Variants in ADGRL2 observed in about 807,000 individuals in gnomAD.
ADGRL2 encodes calcium-independent alpha-latrotoxin receptor 2.
ADGRL2 carries 44 observed loss-of-function variants against 157.4 expected under a neutral mutation model. The ratio of observed to expected loss-of-function variants is 0.28; its 90% CI spans 0.22 to 0.36. The LOEUF (loss-of-function observed/expected upper bound fraction) is 0.36. Ranked by LOEUF, ADGRL2 falls within the 10% of genes least tolerant of loss-of-function variation. ADGRL2 has a pLI of 1.00. For missense variants in ADGRL2, 1,510 were observed against 1,768.9 expected (o/e 0.85, Z 2.63); for synonymous variants, 585 against 624.7 (o/e 0.94, Z 0.95).
At chr1:81,469,254 C>T (rs1305131484) in intron 2 of ADGRL2, among the ~76,000 whole-genome samples, 1 of 152,170 alleles carries the variant, frequency 6.6e-6, no homozygotes, top group Non-Finnish European at 1.5e-5. Flanking sequence ...CTTTCTGCCT[C>T]TGTTTTTTCT....
chr1:81,451,222 C>T lies in ADGRL2; in HGVS notation c.-248+6133C>T, dbSNP rs571394781. Reference sequence around the variant, plus strand: ...AGTTCTGATTTTGCTCAAAGCCTTCCCAATTAATTAGATATAAAATACTAC... The same window carrying T: ...AGTTCTGATTTTGCTCAAAGCCTTCTCAATTAATTAGATATAAAATACTAC... On this transcript the variant is annotated intron_variant, in intron 2 of 24. Transcript: ENST00000370721. Among the ~76,000 whole-genome samples the T allele has an allele frequency of 8.5e-5, 13 of 152,182 alleles. No individual in the cohort carries two copies. In the South Asian group the frequency reaches 1.5e-3, roughly 17 times the overall value.
chr1:81,743,949 C>T (rs1483846800), intron 1 of ADGRL2, among the ~76,000 whole-genome samples: 2 of 151,908 alleles, frequency 1.3e-5, no homozygotes, highest in East Asian at 1.9e-4. Flanking sequence ...AAATGCATGC[C>T]AACATTGAAG....
At chr1:81,961,886 ATCTGTT>A (rs1006979932) in intron 11 of ADGRL2, among the ~76,000 whole-genome samples, 12 of 152,040 alleles carry the variant, frequency 7.9e-5, no homozygotes, top group African/African-American at 2.9e-4. Flanking sequence ...AGTTCATTTG[ATCTGTT>A]TCTAAGAATG....
At chr1:81,914,914 G>A (rs1228572914) in intron 3 of ADGRL2, among the ~76,000 whole-genome samples, 1 of 152,174 alleles carries the variant, frequency 6.6e-6, no homozygotes, top group Admixed American at 6.5e-5. Context: ...ATAGGAAGGG[G>A]AGACTGTTGG....
chr1:81,616,679 C>CTTTTCTTTT (rs1491482868), intron 3 of ADGRL2, among the ~76,000 whole-genome samples: 5 of 105,966 alleles, frequency 4.7e-5, no homozygotes, highest in East Asian at 2.8e-4. Context: ...CTTTTCTTTT[C>CTTTTCTTTT]TTTTTTTTTT....
intron 1 of ADGRL2, among the ~76,000 whole-genome samples, chr1:81,749,515 T>C (rs758153709): frequency 6.6e-6 from 1 of 152,198 alleles, no homozygotes; most frequent in African/African-American, 2.4e-5. Context: ...TTCCTGTTAC[T>C]AGATGGTAAG....
chr1:81,873,617 C>T (rs954683748), intron 2 of ADGRL2, among the ~76,000 whole-genome samples: 2 of 151,996 alleles, frequency 1.3e-5, no homozygotes, highest in African/African-American at 2.4e-5. Context: ...CCACATGAGA[C>T]AAGAACTGGT....
chr1:81,795,918 C>G (rs1390422342), upstream of ADGRL2, among the ~76,000 whole-genome samples: 1 of 152,162 alleles, frequency 6.6e-6, no homozygotes, highest in Non-Finnish European at 1.5e-5. Flanking sequence ...AAATTTAATT[C>G]ATCGTTGACA....
intron 1 of ADGRL2, among the ~76,000 whole-genome samples, chr1:81,830,393 A>G (rs1421345424): frequency 2.0e-5 from 3 of 152,240 alleles, no homozygotes; most frequent in African/African-American, 4.8e-5. Flanking sequence ...CTATATTGAC[A>G]TAGTTTGCAA....
intron 2 of ADGRL2, among the ~76,000 whole-genome samples, chr1:81,487,399 C>T (rs1233436793): frequency 6.6e-6 from 1 of 152,106 alleles, no homozygotes; most frequent in Non-Finnish European, 1.5e-5. Context: ...AATCCCAGCA[C>T]TTTGGGAGGC....
intron 1 of ADGRL2, among the ~76,000 whole-genome samples, chr1:81,754,534 T>G (rs1408319711): frequency 7.1e-6 from 1 of 140,676 alleles, no homozygotes. Context: ...TCTTTCTCTT[T>G]CTTTCTTTCC....
chr1:81,440,016 G>T (rs1285254117), intron 1 of ADGRL2, among the ~76,000 whole-genome samples: 1 of 152,194 alleles, frequency 6.6e-6, no homozygotes, highest in Non-Finnish European at 1.5e-5. Flanking sequence ...AAAGGCACAG[G>T]GTGGGGAGTG....
intron 3 of ADGRL2, among the ~76,000 whole-genome samples, chr1:81,620,322 A>G (rs2081762964): frequency 6.6e-6 from 1 of 152,240 alleles, no homozygotes; most frequent in Non-Finnish European, 1.5e-5. Context: ...TTTGCATGTG[A>G]AATTTAAAAA....
At chr1:81,538,259 C>G (rs1014324827) in intron 2 of ADGRL2, among the ~76,000 whole-genome samples, 15 of 152,050 alleles carry the variant, frequency 9.9e-5, no homozygotes, top group African/African-American at 3.6e-4. Context: ...AGGTTAGTTC[C>G]CACTCACGTA....
intron 1 of ADGRL2, among the ~76,000 whole-genome samples, chr1:81,725,515 G>A (rs569325986): frequency 6.6e-6 from 1 of 151,862 alleles, no homozygotes; most frequent in South Asian, 2.1e-4. Context: ...CTCCAGCCTG[G>A]GTGACACTGT....
chr1:81,588,880 T>A (rs1317507788), intron 3 of ADGRL2, among the ~76,000 whole-genome samples: 1 of 152,152 alleles, frequency 6.6e-6, no homozygotes, highest in Non-Finnish European at 1.5e-5. Context: ...AATCTGGCAA[T>A]ATCCATAGCT....
At chr1:81,854,482 A>G (rs2093132963) in intron 2 of ADGRL2, among the ~76,000 whole-genome samples, 1 of 152,170 alleles carries the variant, frequency 6.6e-6, no homozygotes, top group African/African-American at 2.4e-5. Flanking sequence ...TGTACAAGTT[A>G]TTTAACTTGG....
In ADGRL2 at chr1:81,413,624, A is replaced by G. The variant is rs566774933; in HGVS notation, c.-301-31412A>G. Among the ~76,000 whole-genome samples the G allele has an allele frequency of 1.3e-4, 20 of 152,334 alleles. 1 individual carries two copies. In the South Asian group the frequency reaches 4.1e-3, roughly 32 times the overall value. ...CCTCGTTCGAGAGTTGTTTTGGATG[A>G]CTACTTATCAGGGTTTAAAAATATA... On this transcript the variant is annotated intron_variant, in intron 1 of 24. Transcript: ENST00000370721.
At chr1:81,348,694 C>G (rs1029099067) in intron 1 of ADGRL2, among the ~76,000 whole-genome samples, 10 of 152,124 alleles carry the variant, frequency 6.6e-5, no homozygotes, top group African/African-American at 2.4e-4. Context: ...GTTTCAAAGA[C>G]TTCTCTTTCT....
Sources: allele counts gnomAD v4.1 joint callset (sites outside exome capture counted in the v4.1 genomes callset), GRCh38; gene constraint gnomAD v4.1.1; transcripts MANE v1.5; gene names NCBI Gene and HGNC (gene_info 2026-07-23, HGNC 2026-07-21).